The following CADPS2 variants were observed in gnomAD, a reference collection of about 807,000 sequenced individuals.
CADPS2 encodes calcium-dependent secretion activator 2.
In CADPS2, 93 loss-of-function variants were observed where a neutral mutation model predicts 172.5. The observed-to-expected ratio is 0.54, with a 90% CI of 0.46 to 0.64. The LOEUF is 0.64. Among genes scored for constraint, CADPS2 ranks in the 30% least tolerant of loss-of-function variants. The probability of loss-of-function intolerance (pLI) is 0.00; values close to 1 mark genes in which losing one functional copy is unlikely to be tolerated. For synonymous variants in CADPS2, 546 were observed against 555.2 expected (o/e 0.98, Z 0.23); for missense variants, 1,420 against 1,565.9 (o/e 0.91, Z 1.57).
chr7:122,374,911 C>A (rs1338040752), intron 25 of CADPS2, among the ~76,000 whole-genome samples: 1 of 152,060 alleles, frequency 6.6e-6, no homozygotes, highest in Non-Finnish European at 1.5e-5. Flanking sequence ...TAACAATGCA[C>A]TATTTGGAAA....
intron 20 of CADPS2, among the ~76,000 whole-genome samples, chr7:122,405,429 G>A (rs1353473162): frequency 6.6e-6 from 1 of 152,162 alleles, no homozygotes; most frequent in East Asian, 1.9e-4. Context: ...TTGGGAGGCT[G>A]AGACAGGTGG....
chr7:122,874,360 A>G (rs1263648606), intron 1 of CADPS2, among the ~76,000 whole-genome samples: 1 of 152,164 alleles, frequency 6.6e-6, no homozygotes, highest in Non-Finnish European at 1.5e-5. Context: ...AGAACTACAA[A>G]CCACTGCTCA....
intron 17 of CADPS2, among the ~76,000 whole-genome samples, chr7:122,425,312 G>T (rs867243330): frequency 2.0e-5 from 3 of 150,698 alleles, no homozygotes; most frequent in Non-Finnish European, 4.4e-5. Context: ...TCTTTGCTGG[G>T]TGCCATGGTT....
intron 14 of CADPS2, among the ~76,000 whole-genome samples, chr7:122,465,467 G>A (rs375015916): frequency 5.3e-5 from 8 of 152,110 alleles, no homozygotes; most frequent in African/African-American, 1.2e-4. Context: ...GGAGGTGAGC[G>A]GCAGGCAAGC....
chr7:122,625,995 G>C (rs985711398), intron 4 of CADPS2, among the ~76,000 whole-genome samples: 4 of 152,160 alleles, frequency 2.6e-5, no homozygotes, highest in African/African-American at 9.7e-5. Flanking sequence ...CGCTGCAGGT[G>C]AAGAGTCAGG....
chr7:122,323,462 A>C (rs1220605283), intron 29 of CADPS2, among the ~76,000 whole-genome samples: 1 of 152,120 alleles, frequency 6.6e-6, no homozygotes, highest in Non-Finnish European at 1.5e-5. Context: ...ACTAGTGAGA[A>C]TACTTAAGAT....
chr7:122,820,378 G>A (rs557864458), intron 1 of CADPS2, among the ~76,000 whole-genome samples: 8 of 151,730 alleles, frequency 5.3e-5, no homozygotes, highest in Middle Eastern at 3.4e-3. Context: ...AAAAACACAC[G>A]TGCTCTCCCT....
intron 9 of CADPS2, among the ~76,000 whole-genome samples, chr7:122,495,551 ATCC>A (rs1282550383): frequency 6.6e-6 from 1 of 152,146 alleles, no homozygotes; most frequent in Non-Finnish European, 1.5e-5. Context: ...TTTAACCACT[ATCC>A]TAGTGATGTC....
chr7:122,704,668 A>G (rs1347116145), intron 2 of CADPS2, among the ~76,000 whole-genome samples: 1 of 152,038 alleles, frequency 6.6e-6, no homozygotes, highest in Non-Finnish European at 1.5e-5. Flanking sequence ...TTTTCTCATT[A>G]TAATATAAAG....
At chr7:122,372,805 C>T (rs1585367783) in intron 25 of CADPS2, among the ~76,000 whole-genome samples, 1 of 152,254 alleles carries the variant, frequency 6.6e-6, no homozygotes, top group Non-Finnish European at 1.5e-5. Flanking sequence ...GCTGGTTGCT[C>T]TTTACAGATT....
chr7:122,809,504 C>T (rs1407533954), intron 1 of CADPS2, among the ~76,000 whole-genome samples: 1 of 150,986 alleles, frequency 6.6e-6, no homozygotes, highest in Admixed American at 6.6e-5. Context: ...TGCTTGAACC[C>T]GGGAAGCAGA....
intron 8 of CADPS2, among the ~76,000 whole-genome samples, chr7:122,539,568 A>G (rs1339195862): frequency 6.6e-6 from 1 of 152,124 alleles, no homozygotes; most frequent in Admixed American, 6.6e-5. Flanking sequence ...GAGAAATAAC[A>G]GTATTCAATG....
intron 18 of CADPS2, 118 bp from the exon 19 acceptor site, chr7:122,414,194 T>A: frequency 3.5e-6 from 2 of 573,370 alleles, no homozygotes; most frequent in Non-Finnish European, 5.7e-6. Flanking sequence ...CGTATAGTGA[T>A]ATTTATGAAT....
At chr7:122,389,789 CAAAAG>C (rs958108547) in intron 22 of CADPS2, among the ~76,000 whole-genome samples, 3 of 151,808 alleles carry the variant, frequency 2.0e-5, no homozygotes, top group African/African-American at 7.2e-5. Flanking sequence ...TTCTAGTTTA[CAAAAG>C]AAAATTAAAG....
At chr7:122,458,305 A>T (rs1291616198) in intron 14 of CADPS2, among the ~76,000 whole-genome samples, 1 of 152,200 alleles carries the variant, frequency 6.6e-6, no homozygotes, top group Non-Finnish European at 1.5e-5. Context: ...AGAATAAGAA[A>T]TGATAAAAGA....
At chr7:122,721,509 T>C (rs1400353195) in intron 2 of CADPS2, among the ~76,000 whole-genome samples, 2 of 152,156 alleles carry the variant, frequency 1.3e-5, no homozygotes, top group Non-Finnish European at 2.9e-5. Flanking sequence ...AATCTCTGAA[T>C]AGACCAATAA....
chr7:122,858,388 T>C (rs547305696), intron 1 of CADPS2, among the ~76,000 whole-genome samples: 1 of 152,272 alleles, frequency 6.6e-6, no homozygotes, highest in South Asian at 2.1e-4. Context: ...AGTTCTTATT[T>C]TGTAAGAAAA....
At chr7:122,384,709 T>C (rs2043417160) in intron 24 of CADPS2, among the ~76,000 whole-genome samples, 1 of 152,132 alleles carries the variant, frequency 6.6e-6, no homozygotes, top group African/African-American at 2.4e-5. Context: ...GGGGAACTAA[T>C]TGTCTCTGGT....
intron 3 of CADPS2, among the ~76,000 whole-genome samples, chr7:122,652,827 GA>G (rs1173354513): frequency 1.3e-5 from 2 of 151,938 alleles, no homozygotes; most frequent in African/African-American, 4.8e-5. Context: ...ATGTTTTCTT[GA>G]TAACAATAAC....
Sources: gnomAD v4.1 joint callset for allele counts (sites outside exome capture counted in the v4.1 genomes callset) on GRCh38, gnomAD v4.1.1 for gene constraint, MANE v1.5 for transcripts, NCBI Gene and HGNC (gene_info 2026-07-23, HGNC 2026-07-21) for gene names.